PCDH15: variants seen among roughly 807,000 people sequenced by gnomAD.
PCDH15 encodes the protein protocadherin related 15, also known as protocadherin-15.
PCDH15 carries 129 observed loss-of-function variants against 178.5 expected under a neutral mutation model. The ratio of observed to expected loss-of-function variants is 0.72; its 90% CI spans 0.63 to 0.84. The LOEUF is 0.84. PCDH15 is among the 40% of genes least tolerant of loss of function. The pLI, the probability that PCDH15 is intolerant of heterozygous loss-of-function variation, is 0.00. For missense variants in PCDH15, 2,230 were observed against 2,099.9 expected (o/e 1.06, Z -1.21); for synonymous variants, 800 against 732.0 (o/e 1.09, Z -1.50).
chr10:55,495,247 A>AGT (rs1840505890), intron 2 of PCDH15, among the ~76,000 whole-genome samples: 1 of 151,794 alleles, frequency 6.6e-6, no homozygotes, highest in African/African-American at 2.4e-5. Context: ...TAAAATATAC[A>AGT]TAAACATATA....
At chr10:53,978,837 G>A (rs1384828404) in intron 21 of PCDH15, among the ~76,000 whole-genome samples, 1 of 152,054 alleles carries the variant, frequency 6.6e-6, no homozygotes, top group East Asian at 1.9e-4. Context: ...GCGTCTCTAT[G>A]CATAGCAAGT....
intron 2 of PCDH15, among the ~76,000 whole-genome samples, chr10:55,367,673 C>T (rs544295653): frequency 6.6e-6 from 1 of 152,136 alleles, no homozygotes; most frequent in South Asian, 2.1e-4. Flanking sequence ...GAGCAGAAGG[C>T]TTTCATAGGT....
chr10:54,857,504 G>A (rs1434663979), intron 3 of PCDH15, among the ~76,000 whole-genome samples: 2 of 152,036 alleles, frequency 1.3e-5, no homozygotes. Flanking sequence ...GAAGTGATGT[G>A]GTATGAATCA....
At chr10:53,954,022 C>A (rs1040765128) in intron 23 of PCDH15, among the ~76,000 whole-genome samples, 8 of 152,154 alleles carry the variant, frequency 5.3e-5, no homozygotes, top group African/African-American at 1.7e-4. Flanking sequence ...AATCTCCTGA[C>A]CTCGTGATCC....
chr10:55,527,137 T>C (rs1841318389), intron 2 of PCDH15, among the ~76,000 whole-genome samples: 1 of 152,104 alleles, frequency 6.6e-6, no homozygotes, highest in African/African-American at 2.4e-5. Context: ...AAGAATGGGT[T>C]AATTTTATAG....
rs1038624907 is a variant in PCDH15 at position 54,421,690 on chromosome 10, A to G, written c.158-42748T>C. ...TATATACATATATATATATATATAT[A>G]TATACACACACACACACACACTATA... On this transcript the variant is annotated intron_variant, in intron 3 of 37. Coordinates refer to ENST00000644397, the MANE Select transcript of PCDH15 (RefSeq NM_001384140.1). Among the ~76,000 whole-genome samples, 31 of 110,966 alleles carry G rather than the reference A, an allele frequency of 2.8e-4. 2 individuals are homozygous for G. Among genetic ancestry groups the G allele is most frequent in the South Asian group, 1.2e-3 (4 of 3,448 alleles). 72.8% of individuals were successfully genotyped at this position (110,966 alleles called of 152,430 possible). A position where few individuals can be genotyped will look rare whatever the true frequency, so the allele number is the denominator to read the frequency against.
chr10:54,985,416 G>A (rs1197646764), intron 2 of PCDH15, among the ~76,000 whole-genome samples: 2 of 152,134 alleles, frequency 1.3e-5, no homozygotes, highest in African/African-American at 4.8e-5. Context: ...TTACAATGAG[G>A]TTAGAGCCTT....
In PCDH15 at chr10:55,613,942, A is replaced by C. The variant is rs572643035; in HGVS notation, c.-156+13683T>G. On this transcript the variant is annotated intron_variant, in intron 2 of 5. Transcript: ENST00000613346. The stretch of plus-strand genomic sequence containing the variant: ...GCTAACATGGTGAAAACCCGTCTCT[A>C]CTAAAAAATACAAAAACAAAAATTA... 3.9e-5 allele frequency among the ~76,000 whole-genome samples: 6 copies of C among 152,162 alleles called. No individual in the cohort carries two copies. The South Asian group carries it at 1.2e-3, about 32-fold the overall frequency.
intron 19 of PCDH15, among the ~76,000 whole-genome samples, chr10:54,021,463 A>G (rs566913483): frequency 6.6e-6 from 1 of 152,114 alleles, no homozygotes; most frequent in Non-Finnish European, 1.5e-5. Context: ...TTCAATTTTC[A>G]ATCAACGCCA....
At chr10:55,447,276 C>T (rs1265528215) in intron 2 of PCDH15, among the ~76,000 whole-genome samples, 1 of 151,876 alleles carries the variant, frequency 6.6e-6, no homozygotes, top group Non-Finnish European at 1.5e-5. Context: ...TATGAGACAA[C>T]TGTAGAGAAA....
At position 54,759,420 on chromosome 10, in the gene PCDH15, A is replaced by G. The variant is rs1591489579; in HGVS notation, c.-29+41505T>C. On this transcript the variant is annotated intron_variant, in intron 1 of 37. Transcript: ENST00000644397. ...TGTTTCCTAAAAAGGATATATTAAT[A>G]AAGTTCTGTACTAATATATATAAAT... is the stretch of plus-strand genomic sequence containing the variant. 2.0e-5 allele frequency among the ~76,000 whole-genome samples: 3 copies of G among 152,202 alleles called. No individual in the cohort carries two copies. The East Asian group carries it at 5.8e-4, about 29-fold the overall frequency.
At chr10:54,940,581 A>G (rs1838036659) in intron 2 of PCDH15, among the ~76,000 whole-genome samples, 3 of 152,098 alleles carry the variant, frequency 2.0e-5, no homozygotes, top group Admixed American at 6.6e-5. Context: ...CAAGTCTTCT[A>G]TGTCTTTATT....
At chr10:54,393,379 T>C (rs1950791537) in intron 3 of PCDH15, among the ~76,000 whole-genome samples, 1 of 152,330 alleles carries the variant, frequency 6.6e-6, no homozygotes, top group Non-Finnish European at 1.5e-5. Context: ...CAACAGGAGA[T>C]ACCATTACAT....
intron 3 of PCDH15, among the ~76,000 whole-genome samples, chr10:54,887,324 T>C (rs978024674): frequency 6.6e-6 from 1 of 152,196 alleles, no homozygotes; most frequent in Non-Finnish European, 1.5e-5. Context: ...GAGATGCCTT[T>C]TGAAAATTTA....
At chr10:54,541,414 C>T (rs971021725) in intron 2 of PCDH15, among the ~76,000 whole-genome samples, 3 of 152,048 alleles carry the variant, frequency 2.0e-5, no homozygotes, top group African/African-American at 7.2e-5. Flanking sequence ...GTTTAAATTA[C>T]ATAGTGATAA....
At chr10:53,913,053 T>G (rs2133794092) in intron 25 of PCDH15, among the ~76,000 whole-genome samples, 1 of 152,262 alleles carries the variant, frequency 6.6e-6, no homozygotes, top group South Asian at 2.1e-4. Context: ...ACTACAAGGC[T>G]ACAGTAACCA....
intron 2 of PCDH15, among the ~76,000 whole-genome samples, chr10:55,561,941 T>A (rs896886303): frequency 1.3e-5 from 2 of 151,948 alleles, no homozygotes; most frequent in Non-Finnish European, 2.9e-5. Context: ...GTTTTATGAT[T>A]TTTTAGTCTG....
intron 2 of PCDH15, among the ~76,000 whole-genome samples, chr10:55,383,996 A>C (rs1837596003): frequency 6.6e-6 from 1 of 152,214 alleles, no homozygotes; most frequent in Admixed American, 6.5e-5. Flanking sequence ...ATTGTGTTAA[A>C]AGCATTGAAT....
intron 2 of PCDH15, among the ~76,000 whole-genome samples, chr10:55,103,351 C>G (rs926103306): frequency 3.3e-5 from 5 of 152,236 alleles, no homozygotes; most frequent in African/African-American, 1.2e-4. Context: ...AAGCACTCAT[C>G]TGCATCAAGT....
Sources: allele counts gnomAD v4.1 joint callset (sites outside exome capture counted in the v4.1 genomes callset), GRCh38; gene constraint gnomAD v4.1.1; transcripts MANE v1.5; gene names NCBI Gene and HGNC (gene_info 2026-07-23, HGNC 2026-07-21).